The following IFFO2 variants were observed in gnomAD, a reference collection of about 807,000 sequenced individuals.
The protein encoded by IFFO2 is intermediate filament family orphan 2.
Under a neutral mutation model 53.5 loss-of-function variants are expected in IFFO2, and 19 were observed. That is an observed-to-expected ratio of 0.36 (90% CI 0.25 to 0.52). The LOEUF is 0.52. IFFO2 is among the 20% of genes least tolerant of loss of function. The pLI is 0.94. For missense variants in IFFO2, 570 were observed against 727.4 expected (o/e 0.78, Z 2.49); for synonymous variants, 303 against 313.6 (o/e 0.97, Z 0.36).
chr1:18,921,789 T>C (rs1469513964), intron 1 of IFFO2, among the ~76,000 whole-genome samples: 1 of 152,138 alleles, frequency 6.6e-6, no homozygotes, highest in African/African-American at 2.4e-5. Flanking sequence ...TGCCAAGCCC[T>C]GTTGTTCCAA....
At position 18,919,827 on chromosome 1, in the gene IFFO2, G is replaced by A. The variant is rs778829798; in HGVS notation, c.727-54C>T. The A allele has an allele frequency of 5.8e-5, 75 of 1,299,226 alleles. No homozygotes were observed. Among genetic ancestry groups the A allele is most frequent in the Admixed American group, 7.9e-5 (4 of 50,574 alleles). 80.5% of individuals were successfully genotyped at this position (1,299,226 alleles called of 1,614,324 possible). A position where few individuals can be genotyped will look rare whatever the true frequency, so the allele number is the denominator to read the frequency against. ...GAGGGGCCGGGTCCTCTGGGGATAGGAGGGTCTGGACACCTGAGTCCAGAG... is the reference window on the plus strand; with the variant it reads ...GAGGGGCCGGGTCCTCTGGGGATAGAAGGGTCTGGACACCTGAGTCCAGAG... On this transcript the variant is annotated intron_variant, in intron 2 of 8. Coordinates refer to ENST00000455833, the MANE Select transcript of IFFO2 (RefSeq NM_001136265.2). This position sits in a 1 kb window ranked among gnomAD's most constrained non-coding sequence, Gnocchi z 4.9.
At position 18,918,420 on chromosome 1, in the gene IFFO2, G is replaced by GC; in HGVS notation, c.904dup (p.Ala302GlyfsTer29). On this transcript the variant is annotated frameshift_variant, in exon 4 of 9. Coordinates refer to ENST00000455833, the MANE Select transcript of IFFO2 (RefSeq NM_001136265.2). LOFTEE classifies it high-confidence loss of function. The surrounding 1 kb of genome is among the most constrained non-coding windows in gnomAD (Gnocchi z 5.2). The stretch of plus-strand genomic sequence containing the variant: ...CTGCTGTGCGACATCGCACAGCTTG[G>GC]CCGTGATATCGATTCGGCGGCAGAT... 6.4e-7 allele frequency: 1 copy of GC among 1,558,868 alleles called. No individual in the cohort carries two copies. The highest frequency in any genetic ancestry group is 8.7e-7 in the Non-Finnish European group (1 of 1,150,878).
rs1208289397 is a variant in IFFO2, at chr1:18,906,120, C to CT, written c.*2440dup. The CT allele has an allele frequency of 6.6e-6, 1 of 152,250 alleles. No homozygotes were observed. The allele number at this position is 152,250 out of a possible 1,614,324, so 9.4% of individuals were successfully genotyped here. A position where few individuals can be genotyped will look rare whatever the true frequency, so the allele number is the denominator to read the frequency against. ...GCCCAGGAGGCAGGCCCATCACACT[C>CT]TGGCTTTCCCTCTCCTACCCACCTG... On this transcript the variant is annotated 3_prime_UTR_variant, in exon 9 of 9. Transcript: ENST00000455833.
At chr1:18,942,082 C>A (rs999015634) in intron 1 of IFFO2, among the ~76,000 whole-genome samples, 3 of 152,234 alleles carry the variant, frequency 2.0e-5, no homozygotes, top group African/African-American at 7.2e-5. Flanking sequence ...TCAGCCAAAG[C>A]GGGAGGGAGC....
Position 18,919,711 on chromosome 1 carries a change from G to C in IFFO2, c.789C>G (p.Ala263=). ...TAAGCCCCTTAAACACCACCAGCTC[G>C]GCCTTGAGCCGCTCGATCTTCTCAT... is the stretch of plus-strand genomic sequence containing the variant. The part of the protein sequence containing the change: ...EMNEKIERLK[A]ELVVFKGLMS... Residue 263 remains alanine, a synonymous_variant, in exon 3 of 9, where the codon GCC becomes GCG. Coordinates refer to ENST00000455833, the MANE Select transcript of IFFO2 (RefSeq NM_001136265.2). The surrounding 1 kb of genome is among the most constrained non-coding windows in gnomAD (Gnocchi z 4.9). 6.4e-7 allele frequency: 1 copy of C among 1,551,658 alleles called. No homozygotes were observed. The highest frequency in any genetic ancestry group is 1.2e-5 in the South Asian group (1 of 84,062).
chr1:18,914,053 G>A (rs113700072), intron 5 of IFFO2, among the ~76,000 whole-genome samples: 23 of 152,178 alleles, frequency 1.5e-4, no homozygotes, highest in Non-Finnish European at 2.5e-4. Context: ...GGATGGTCTC[G>A]ATCTCCTGAC....
intron 5 of IFFO2, among the ~76,000 whole-genome samples, chr1:18,914,067 G>A (rs540464162): frequency 9.2e-5 from 14 of 152,320 alleles, no homozygotes; most frequent in East Asian, 7.7e-4. Context: ...TCCTGACCTC[G>A]TGATCCGCCT....
intron 1 of IFFO2, among the ~76,000 whole-genome samples, chr1:18,951,301 G>C (rs1210766021): frequency 6.6e-6 from 1 of 152,074 alleles, no homozygotes; most frequent in Non-Finnish European, 1.5e-5. Context: ...GCTCTAAAAA[G>C]CCCACCTGAA....
In IFFO2 at chr1:18,911,481, G is replaced by A; in HGVS notation, c.1225-5C>T. 1 of 1,435,974 alleles carries A rather than the reference G, an allele frequency of 7.0e-7. No individual in the cohort carries two copies. Among genetic ancestry groups the A allele is most frequent in the Non-Finnish European group, 9.4e-7 (1 of 1,066,058 alleles). 89.0% of individuals were successfully genotyped at this position (1,435,974 alleles called of 1,614,324 possible). A position where few individuals can be genotyped will look rare whatever the true frequency, so the allele number is the denominator to read the frequency against. On this transcript the variant is annotated splice_region_variant and splice_polypyrimidine_tract_variant and intron_variant, in intron 6 of 8. Transcript: ENST00000455833. ...GTTGCCCAAGTTTTCCTCTTGCTGG[G>A]GAAATAGAACAAACGGGACAGTTTA...
chr1:18,935,484 C>T (rs1936436086), intron 1 of IFFO2, among the ~76,000 whole-genome samples: 1 of 152,118 alleles, frequency 6.6e-6, no homozygotes, highest in South Asian at 2.1e-4. Context: ...TTCTACACCC[C>T]TTCCCCTTTG....
chr1:18,934,732 G>C (rs1371810526), intron 1 of IFFO2, among the ~76,000 whole-genome samples: 1 of 152,112 alleles, frequency 6.6e-6, no homozygotes, highest in African/African-American at 2.4e-5. Context: ...TATGAGATTG[G>C]TTTTTAACGA....
rs984488012 is a variant in IFFO2, at chr1:18,919,534, A to T, written c.822+144T>A. On this transcript the variant is annotated intron_variant, in intron 3 of 8. Coordinates refer to ENST00000455833, the MANE Select transcript of IFFO2 (RefSeq NM_001136265.2). The surrounding 1 kb of genome is among the most constrained non-coding windows in gnomAD (Gnocchi z 4.9). ...GGGTGCCTGGTCTCCGATGCATCCA[A>T]TGCATCCGTCATCCTCATGGTCAAA... is the stretch of plus-strand genomic sequence containing the variant. The T allele has an allele frequency of 1.5e-5, 10 of 654,886 alleles. No homozygotes were observed. Among genetic ancestry groups the T allele is most frequent in the Non-Finnish European group, 2.8e-5 (10 of 360,616 alleles). The allele number at this position is 654,886 out of a possible 1,614,324, so 40.6% of individuals were successfully genotyped here. A position where few individuals can be genotyped will look rare whatever the true frequency, so the allele number is the denominator to read the frequency against.
rs1433789075 is a variant in IFFO2, at chr1:18,908,596, C to G, written c.1519G>C (p.Glu507Gln). 1.3e-6 allele frequency: 2 copies of G among 1,551,722 alleles called. No homozygotes were observed. Among genetic ancestry groups the G allele is most frequent in the African/African-American group, 1.4e-5 (1 of 73,170 alleles). ...GSTDEIQDEF[E>Q]READVEPMVS Reference sequence around the variant, plus strand: ...ATGGGCTCCACATCCGCCTCGCGCTCGAACTCATCCTGGATCTCATCTGTA... The same window carrying G: ...ATGGGCTCCACATCCGCCTCGCGCTGGAACTCATCCTGGATCTCATCTGTA... Residue 507 changes from glutamate (E) to glutamine (Q), a missense_variant, in exon 9 of 9, where the codon GAG (glutamate) becomes CAG (glutamine). By Grantham distance (29) the Glu-to-Gln change is conservative. Transcript: ENST00000455833.
rs145789476 is a variant in IFFO2, at chr1:18,921,048, G to A, written c.726+13C>T. The A allele has an allele frequency of 4.0e-4, 613 of 1,551,512 alleles. 1 individual carries two copies. In the African/African-American group the frequency reaches 7.0e-3, roughly 18 times the overall value. The stretch of plus-strand genomic sequence containing the variant: ...GCGTGCCTCTCCTGGTCGGGATATC[G>A]GAGGGCTCTTACCTCCTGCAGCGTG... On this transcript the variant is annotated intron_variant, in intron 2 of 8. Transcript: ENST00000455833.
chr1:18,940,279 G>C (rs1337687587), intron 1 of IFFO2, among the ~76,000 whole-genome samples: 1 of 152,214 alleles, frequency 6.6e-6, no homozygotes, highest in Non-Finnish European at 1.5e-5. Context: ...CAGCAGAGAA[G>C]CAGAAACTTG....
At position 18,908,421 on chromosome 1, in the gene IFFO2, C is replaced by G; in HGVS notation, c.*140G>C. On this transcript the variant is annotated 3_prime_UTR_variant, in exon 9 of 9. Coordinates refer to ENST00000455833, the MANE Select transcript of IFFO2 (RefSeq NM_001136265.2). The stretch of plus-strand genomic sequence containing the variant: ...AGGAAGGAAGGAAGCAGCAGTCCCT[C>G]AGGGCCTCCAGAGAAGGGAGGGCAG... 1.5e-6 allele frequency: 1 copy of G among 645,792 alleles called. No homozygotes were observed. Among genetic ancestry groups the G allele is most frequent in the Non-Finnish European group, 2.8e-6 (1 of 360,124 alleles). The allele number at this position is 645,792 out of a possible 1,614,324, so 40.0% of individuals were successfully genotyped here.
chr1:18,916,782 A>G lies in IFFO2; in HGVS notation c.1103+121T>C. On this transcript the variant is annotated intron_variant, in intron 5 of 8. Transcript: ENST00000455833. This position sits in a 1 kb window ranked among gnomAD's most constrained non-coding sequence, Gnocchi z 4.3. ...AGTGAGACCCTGTCTCAAAAAAAAA[A>G]AGGAAATGAATTCAAATTCTTCCAG... 7.9e-7 allele frequency: 1 copy of G among 1,273,600 alleles called. No homozygotes were observed. Among genetic ancestry groups the G allele is most frequent in the Non-Finnish European group, 1.1e-6 (1 of 938,468 alleles). 78.9% of individuals were successfully genotyped at this position (1,273,600 alleles called of 1,614,324 possible).
chr1:18,916,994 A>G lies in IFFO2; in HGVS notation c.1012T>C (p.Ser338Pro). 2 of 1,552,232 alleles carry G rather than the reference A, an allele frequency of 1.3e-6. No individual in the cohort carries two copies. The highest frequency in any genetic ancestry group is 1.7e-6 in the Non-Finnish European group (2 of 1,147,100). ...ERKVASDDDI[S>P]EQDGEVNRFS... is the part of the protein sequence containing the mutation. ...CGGTTCACCTCCCCGTCCTGCTCAG[A>G]GATGTCATCATCGGAAGCCACCTTA... Residue 338 changes from serine to proline, a missense_variant, in exon 5 of 9, where the codon TCT (serine) becomes CCT (proline). Transcript: ENST00000455833. The surrounding 1 kb of genome is among the most constrained non-coding windows in gnomAD (Gnocchi z 4.3).
chr1:18,921,237 C>T, intron 1 of IFFO2, 116 bp from the exon 2 acceptor site: 1 of 886,130 alleles, frequency 1.1e-6, no homozygotes, highest in Non-Finnish European at 1.8e-6. Flanking sequence ...AAGGAAGGTG[C>T]ATTGGGGCAT....
Sources: gnomAD v4.1 joint callset for allele counts (sites outside exome capture counted in the v4.1 genomes callset) on GRCh38, gnomAD v4.1.1 for gene constraint, Gnocchi (gnomAD v3.1) non-coding constraint, MANE v1.5 for transcripts, NCBI Gene and HGNC (gene_info 2026-07-23, HGNC 2026-07-21) for gene names.